Variants in NIBAN2 observed in about 807,000 individuals in gnomAD.
NIBAN2 encodes protein Niban 2.
A neutral mutation model predicts 81.8 loss-of-function variants in NIBAN2; 36 were observed. That is an observed-to-expected ratio of 0.44 (90% confidence interval 0.34 to 0.58). The LOEUF (loss-of-function observed/expected upper bound fraction) is 0.58. NIBAN2 is among the 20% of genes least tolerant of loss of function. The pLI, the probability that NIBAN2 is intolerant of heterozygous loss-of-function variation, is 0.02. For missense variants in NIBAN2, 897 were observed against 1,014.1 expected (o/e 0.88, Z 1.57); for synonymous variants, 445 against 441.6 (o/e 1.01, Z -0.10).
intron 1 of NIBAN2, among the ~76,000 whole-genome samples, chr9:127,550,795 GCA>G (rs1415448727): frequency 1.3e-5 from 2 of 152,212 alleles, no homozygotes; most frequent in Non-Finnish European, 2.9e-5. Context: ...TCACATATCA[GCA>G]GCAGAAAAGG....
intron 1 of NIBAN2, among the ~76,000 whole-genome samples, chr9:127,539,724 G>A (rs1329382388): frequency 6.6e-6 from 1 of 152,186 alleles, no homozygotes; most frequent in Non-Finnish European, 1.5e-5. Flanking sequence ...AGCTGCTGGT[G>A]AGTCAGCTCT....
rs774480906 is a variant in NIBAN2, at chr9:127,510,318, T to A, written c.989A>T (p.Lys330Met). ...ATGGTTCCGCACGCACACCTCTGCCTTGGGGAGGATGAAGGCTGTGCCCCG... is the reference window on the plus strand; with the variant it reads ...ATGGTTCCGCACGCACACCTCTGCCATGGGGAGGATGAAGGCTGTGCCCCG... ...ASKIRAFILP[K>M]AEVCVRNHVQ... Residue 330 changes from lysine (K) to methionine (M), a missense_variant, in exon 9 of 14, where the codon AAG becomes ATG. This residue lies in a region of NIBAN2 where 619 missense variants were observed against 691.0 expected (regional missense o/e 0.90). Coordinates refer to ENST00000373312, the MANE Select transcript of NIBAN2 (RefSeq NM_022833.4). 2 of 1,607,398 alleles carry A rather than the reference T, an allele frequency of 1.2e-6. No homozygotes were observed. Among genetic ancestry groups the A allele is most frequent in the Non-Finnish European group, 1.7e-6 (2 of 1,174,866 alleles).
In NIBAN2 at chr9:127,539,270, G is replaced by A. The variant is rs189261749; in HGVS notation, c.56-7492C>T. On this transcript the variant is annotated intron_variant, in intron 1 of 13. Coordinates refer to ENST00000373312, the MANE Select transcript of NIBAN2 (RefSeq NM_022833.4). ...CAAAGCCTGCACAGAGCCCTACCCC[G>A]CAAAGCCTCTCATCCCAGTGACCCC... is the stretch of plus-strand genomic sequence containing the variant. 6.0e-4 allele frequency among the ~76,000 whole-genome samples: 91 copies of A among 152,182 alleles called. No homozygotes were observed. In the Middle Eastern group the frequency reaches 0.01, roughly 17 times the overall value.
chr9:127,533,257 C>T (rs1222205984), intron 1 of NIBAN2, among the ~76,000 whole-genome samples: 1 of 151,696 alleles, frequency 6.6e-6, no homozygotes, highest in East Asian at 1.9e-4. Flanking sequence ...GAGATAGAGA[C>T]CACCCTGGCT....
At chr9:127,541,218 C>G (rs1837372863) in intron 1 of NIBAN2, among the ~76,000 whole-genome samples, 1 of 152,178 alleles carries the variant, frequency 6.6e-6, no homozygotes, top group Admixed American at 6.5e-5. Flanking sequence ...CACAGCACAT[C>G]CAACAGAGCT....
chr9:127,508,165 C>A lies in NIBAN2; in HGVS notation c.1470G>T (p.Arg490Ser), dbSNP rs1221013569. 3 of 1,613,652 alleles carry A rather than the reference C, an allele frequency of 1.9e-6. No individual in the cohort carries two copies. Among genetic ancestry groups the A allele is most frequent in the Non-Finnish European group, 1.7e-6 (2 of 1,179,978 alleles). Residue 490 changes from arginine (R) to serine (S), a missense_variant, in exon 12 of 14, where the codon AGG becomes AGT. Transcript: ENST00000373312. This position sits in a 1 kb window ranked among gnomAD's most constrained non-coding sequence, Gnocchi z 6.4. ...YDYDSSSVRK[R>S]FFREALLQIS... ...TCTGCAGCAGCGCCTCCCGGAAGAA[C>A]CTCTTCCGCACAGAGCTGCTGTCGT...
In NIBAN2 at chr9:127,545,152, CT is replaced by C. The variant is rs751449968; in HGVS notation, c.56-13375del. ...GGCCTCTGGCCTTGGGGTCCCACGTCTACAGTGCCCTCCTAGCGTCCACCCC... is the reference window on the plus strand; with the variant it reads ...GGCCTCTGGCCTTGGGGTCCCACGTCACAGTGCCCTCCTAGCGTCCACCCC... On this transcript the variant is annotated intron_variant, in intron 1 of 13. Transcript: ENST00000373312. This position sits in a 1 kb window ranked among gnomAD's most constrained non-coding sequence, Gnocchi z 4.7. Among the ~76,000 whole-genome samples, 9 of 152,184 alleles carry C rather than the reference CT, an allele frequency of 5.9e-5. No individual in the cohort carries two copies. The highest frequency in any genetic ancestry group is 8.8e-5 in the Non-Finnish European group (6 of 68,026).
At position 127,507,195 on chromosome 9, in the gene NIBAN2, C is replaced by A; in HGVS notation, c.1891G>T (p.Val631Leu). The A allele has an allele frequency of 6.2e-7, 1 of 1,613,110 alleles. No homozygotes were observed. Among genetic ancestry groups the A allele is most frequent in the Non-Finnish European group, 8.5e-7 (1 of 1,179,814 alleles). Residue 631 changes from valine to leucine, a missense_variant, in exon 14 of 14, where the codon GTG becomes TTG. By Grantham distance (32) the Val-to-Leu change is conservative (BLOSUM62 1). Coordinates refer to ENST00000373312, the MANE Select transcript of NIBAN2 (RefSeq NM_022833.4). The surrounding 1 kb of genome is among the most constrained non-coding windows in gnomAD (Gnocchi z 6.8). ...GGGCTAGCCTCAAAGGGCAGCCCCACCTCCTCATCCTGGACCACAGAGACC... is the reference window on the plus strand; with the variant it reads ...GGGCTAGCCTCAAAGGGCAGCCCCAACTCCTCATCCTGGACCACAGAGACC... The part of the protein sequence containing the change: ...QVVSVVQDEE[V>L]GLPFEASPES...
chr9:127,514,424 CCTA>C (rs1836788971), intron 8 of NIBAN2, among the ~76,000 whole-genome samples: 1 of 152,028 alleles, frequency 6.6e-6, no homozygotes. Context: ...AATATGCACA[CCTA>C]CTATGTACCC....
intron 2 of NIBAN2, among the ~76,000 whole-genome samples, chr9:127,529,361 G>A (rs535327130): frequency 2.7e-4 from 41 of 152,316 alleles, no homozygotes; most frequent in African/African-American, 7.7e-4. Flanking sequence ...TGTTTTAGCC[G>A]GGCGCTGTGG....
intron 8 of NIBAN2, among the ~76,000 whole-genome samples, chr9:127,515,531 AAAAAAAAACAAAC>A (rs1187367742): frequency 2.9e-5 from 2 of 67,946 alleles, no homozygotes; most frequent in African/African-American, 9.7e-5. Context: ...AAAAAAAAAA[AAAAAAAAACAAAC>A]AAAAAAAACA....
intron 1 of NIBAN2, among the ~76,000 whole-genome samples, chr9:127,542,232 C>T (rs919197386): frequency 2.0e-5 from 3 of 152,210 alleles, no homozygotes; most frequent in Non-Finnish European, 4.4e-5. Context: ...TCCCCATGTC[C>T]GGAATACAGT....
At chr9:127,560,691 G>C (rs1316625770) in intron 1 of NIBAN2, among the ~76,000 whole-genome samples, 2 of 152,120 alleles carry the variant, frequency 1.3e-5, no homozygotes, top group African/African-American at 4.8e-5. Context: ...GCGTGTCCCT[G>C]GTGCCCAGCA....
chr9:127,555,938 C>T (rs1056049070), intron 1 of NIBAN2, among the ~76,000 whole-genome samples: 10 of 152,148 alleles, frequency 6.6e-5, no homozygotes. Flanking sequence ...AGATCCAAGC[C>T]CTGGGTGGGC....
intron 1 of NIBAN2, among the ~76,000 whole-genome samples, chr9:127,535,174 A>G (rs1375416653): frequency 6.6e-6 from 1 of 152,256 alleles, no homozygotes; most frequent in African/African-American, 2.4e-5. Context: ...CCCAGCCCAC[A>G]GACAGATCCC....
intron 1 of NIBAN2, among the ~76,000 whole-genome samples, chr9:127,537,569 G>T (rs1481963727): frequency 1.3e-5 from 2 of 152,188 alleles, no homozygotes; most frequent in African/African-American, 4.8e-5. Flanking sequence ...TTGATGGGGG[G>T]TCCTGCCTAA....
intron 5 of NIBAN2, among the ~76,000 whole-genome samples, chr9:127,519,612 G>A (rs1451474232): frequency 2.6e-5 from 4 of 152,268 alleles, no homozygotes; most frequent in African/African-American, 4.8e-5. Context: ...GCCTGTCGGA[G>A]CCGGGAGGGA....
intron 1 of NIBAN2, among the ~76,000 whole-genome samples, chr9:127,549,544 G>A (rs1484131939): frequency 6.6e-6 from 1 of 152,174 alleles, no homozygotes; most frequent in Admixed American, 6.5e-5. Flanking sequence ...GCACACACAT[G>A]CATGCTGCTG....
chr9:127,537,408 T>C (rs1837298832), intron 1 of NIBAN2, among the ~76,000 whole-genome samples: 2 of 152,244 alleles, frequency 1.3e-5, no homozygotes, highest in African/African-American at 2.4e-5. Context: ...ATTAGCAGTA[T>C]AACTTTTATA....
Sources: gnomAD v4.1 joint callset for allele counts (sites outside exome capture counted in the v4.1 genomes callset) on GRCh38, gnomAD v4.1.1 for gene constraint, gnomAD v4.1.1 regional missense constraint, Gnocchi (gnomAD v3.1) non-coding constraint, MANE v1.5 for transcripts, NCBI Gene and HGNC (gene_info 2026-07-23, HGNC 2026-07-21) for gene names.